SP140L: variants seen among roughly 807,000 people sequenced by gnomAD.
The protein encoded by SP140L is SP140 like nuclear body protein.
Under a neutral mutation model 84.3 loss-of-function variants are expected in SP140L, and 64 were observed. The observed-to-expected ratio is 0.76, with a 90% confidence interval of 0.62 to 0.94. SP140L has a LOEUF of 0.94. Ranked by LOEUF, SP140L falls within the 40% of genes least tolerant of loss-of-function variation. The pLI, the probability that SP140L is intolerant of heterozygous loss-of-function variation, is 0.00. For missense variants in SP140L, 628 were observed against 692.5 expected (o/e 0.91, Z 1.05); for synonymous variants, 242 against 236.9 (o/e 1.02, Z -0.20).
intron 7 of SP140L, among the ~76,000 whole-genome samples, chr2:230,379,762 A>G (rs57144864): frequency 0.012 from 1,767 of 152,280 alleles, 41 homozygotes; most frequent in African/African-American, 0.04. Flanking sequence ...TCAGTATAGT[A>G]AAGTGATTAC....
intron 18 of SP140L, 108 bp downstream of exon 18, chr2:230,401,915 A>G (rs1395269291): frequency 8.3e-7 from 1 of 1,201,086 alleles, no homozygotes; most frequent in African/African-American, 1.5e-5. Flanking sequence ...TTGCACGAGC[A>G]AGGGTTCTGG....
chr2:230,344,275 CTCTT>C (rs1559411345), intron 2 of SP140L, among the ~76,000 whole-genome samples: 1 of 152,114 alleles, frequency 6.6e-6, no homozygotes, highest in Non-Finnish European at 1.5e-5. Context: ...ATGTAATGTT[CTCTT>C]TGTCTTTTTA....
chr2:230,403,441 AG>A lies in SP140L; in HGVS notation c.*546del, dbSNP rs913888003. 6.6e-6 allele frequency: 1 copy of A among 152,556 alleles called. No individual in the cohort carries two copies. The highest frequency in any genetic ancestry group is 2.4e-5 in the African/African-American group (1 of 41,414). 9.5% of individuals were successfully genotyped at this position (152,556 alleles called of 1,614,324 possible). ...CTGGTCTCGAACTCCTGACCTCATG[AG>A]CCGCCCGCCTTGGCCTCCCAAAGTG... is the stretch of plus-strand genomic sequence containing the variant. On this transcript the variant is annotated 3_prime_UTR_variant, in exon 19 of 19. Transcript: ENST00000415673.
chr2:230,333,164 A>ATT (rs777170281), intron 2 of SP140L, among the ~76,000 whole-genome samples: 13,904 of 143,550 alleles, frequency 0.097, 750 homozygotes, highest in Middle Eastern at 0.15. Context: ...TGCCATTCTG[A>ATT]TTTTTTTTTT....
chr2:230,398,006 T>C (rs879287204), intron 14 of SP140L, among the ~76,000 whole-genome samples: 10 of 152,212 alleles, frequency 6.6e-5, no homozygotes, highest in Non-Finnish European at 1.5e-4. Context: ...TGATTTATAA[T>C]ATCCCCATGC....
At chr2:230,381,246 T>C (rs1270665507) in intron 7 of SP140L, among the ~76,000 whole-genome samples, 2 of 152,076 alleles carry the variant, frequency 1.3e-5, no homozygotes, top group Non-Finnish European at 2.9e-5. Context: ...TAAGCAAATC[T>C]CTCCTGGGGA....
chr2:230,359,398 A>T (rs1323392351), intron 4 of SP140L, among the ~76,000 whole-genome samples: 3 of 152,228 alleles, frequency 2.0e-5, no homozygotes, highest in African/African-American at 7.2e-5. Flanking sequence ...GATAAGAAAC[A>T]CAGAACACCA....
At chr2:230,381,374 A>G (rs905133580) in intron 7 of SP140L, among the ~76,000 whole-genome samples, 3 of 152,120 alleles carry the variant, frequency 2.0e-5, no homozygotes, top group African/African-American at 7.2e-5. Context: ...GCTGCTTGCT[A>G]TTCTGACATC....
chr2:230,381,843 G>T (rs1383564987), intron 7 of SP140L, among the ~76,000 whole-genome samples: 1 of 152,136 alleles, frequency 6.6e-6, no homozygotes, highest in Non-Finnish European at 1.5e-5. Context: ...CTTTATGTGA[G>T]GCAAGCAAGT....
chr2:230,402,047 A>G (rs2062366456), intron 18 of SP140L, among the ~76,000 whole-genome samples: 1 of 152,220 alleles, frequency 6.6e-6, no homozygotes, highest in African/African-American at 2.4e-5. Context: ...CCTGCCCCAG[A>G]GGAGACAGGA....
chr2:230,381,800 A>T (rs541242688), intron 7 of SP140L, among the ~76,000 whole-genome samples: 1 of 152,092 alleles, frequency 6.6e-6, no homozygotes, highest in African/African-American at 2.4e-5. Context: ...TAGGTCCCTT[A>T]TGACCAGCTG....
chr2:230,327,875 C>T (rs2059621934), intron 1 of SP140L, among the ~76,000 whole-genome samples: 1 of 152,118 alleles, frequency 6.6e-6, no homozygotes, highest in African/African-American at 2.4e-5. Context: ...AGTTCTGATA[C>T]AATTGACCTT....
intron 7 of SP140L, among the ~76,000 whole-genome samples, chr2:230,378,025 G>A (rs995721700): frequency 2.6e-5 from 4 of 151,776 alleles, no homozygotes; most frequent in African/African-American, 9.7e-5. Context: ...TTCTTTTTTT[G>A]CATGTGGATA....
At chr2:230,391,137 G>T (rs1233187145) in intron 11 of SP140L, among the ~76,000 whole-genome samples, 2 of 152,050 alleles carry the variant, frequency 1.3e-5, no homozygotes, top group African/African-American at 4.8e-5. Context: ...ATCAACTTGG[G>T]TTATTTTCAC....
At chr2:230,382,338 C>A (rs563296839) in intron 7 of SP140L, among the ~76,000 whole-genome samples, 5 of 152,106 alleles carry the variant, frequency 3.3e-5, no homozygotes, top group Non-Finnish European at 5.9e-5. Flanking sequence ...TCCTTCTGGA[C>A]AAAGGATCCA....
rs149152153 is a variant in SP140L at position 230,328,127 on chromosome 2, G to A, written c.33-630G>A. On this transcript the variant is annotated intron_variant, in intron 1 of 18. Coordinates refer to ENST00000415673, the MANE Select transcript of SP140L (RefSeq NM_138402.6). ...GGCTGGAGTGCAGTGGCACAATCCC[G>A]GCTCACTGCAACCTCTGTCTCCTGG... Among the ~76,000 whole-genome samples the A allele has an allele frequency of 1.1e-3, 174 of 152,076 alleles. 1 individual carries two copies. Among genetic ancestry groups the A allele is most frequent in the African/African-American group, 4.1e-3 (168 of 41,474 alleles).
At chr2:230,373,658 CA>C (rs1287612965) in intron 7 of SP140L, among the ~76,000 whole-genome samples, 2 of 152,206 alleles carry the variant, frequency 1.3e-5, no homozygotes, top group Non-Finnish European at 2.9e-5. Flanking sequence ...TGGAGGTATA[CA>C]AGGTGATTAA....
chr2:230,361,554 A>G, intron 4 of SP140L, 60 bp from the exon 5 acceptor site: 1 of 1,329,252 alleles, frequency 7.5e-7, no homozygotes, highest in Non-Finnish European at 1.1e-6. Flanking sequence ...GCCAATTTCC[A>G]GGTGTTGTCC....
At chr2:230,367,282 C>CT (rs2060911324) in intron 5 of SP140L, among the ~76,000 whole-genome samples, 1 of 134,522 alleles carries the variant, frequency 7.4e-6, no homozygotes. Context: ...TTTTTCCTTT[C>CT]TTTCTTTTTT....
Sources: gnomAD v4.1 joint callset for allele counts (sites outside exome capture counted in the v4.1 genomes callset) on GRCh38, gnomAD v4.1.1 for gene constraint, MANE v1.5 for transcripts, NCBI Gene and HGNC (gene_info 2026-07-23, HGNC 2026-07-21) for gene names.